The following RGS3 variants were observed in gnomAD, a reference collection of about 807,000 sequenced individuals.
RGS3 encodes the protein regulator of G-protein signalling 3.
A neutral mutation model predicts 132.6 loss-of-function variants in RGS3; 80 were observed. That is an observed-to-expected ratio of 0.60 (90% CI 0.50 to 0.73). The LOEUF (loss-of-function observed/expected upper bound fraction) is 0.73. Among genes scored for constraint, RGS3 ranks in the 30% least tolerant of loss-of-function variants. The probability of loss-of-function intolerance (pLI) is 0.00; values close to 1 mark genes in which losing one functional copy is unlikely to be tolerated. For synonymous variants in RGS3, 598 were observed against 620.6 expected, an observed-to-expected ratio of 0.96 and a Z score of 0.54; for missense variants, 1,382 against 1,530.8, an observed-to-expected ratio of 0.90 and a Z score of 1.62.
At chr9:113,574,548 A>G (rs1834426387) in intron 19 of RGS3, among the ~76,000 whole-genome samples, 1 of 152,192 alleles carries the variant, frequency 6.6e-6, no homozygotes, top group Non-Finnish European at 1.5e-5. Context: ...TCTTGGGGGA[A>G]ATGGTGTGAA....
In RGS3 at chr9:113,507,589, C is replaced by G; in HGVS notation, c.1388C>G (p.Pro463Arg). 1 of 1,515,124 alleles carries G rather than the reference C, an allele frequency of 6.6e-7. No homozygotes were observed. Among genetic ancestry groups the G allele is most frequent in the African/African-American group, 1.4e-5 (1 of 72,796 alleles). 93.9% of individuals were successfully genotyped at this position (1,515,124 alleles called of 1,614,324 possible). Residue 463 changes from proline to arginine, a missense_variant, in exon 13 of 25, where the codon CCC (proline) becomes CGC (arginine). Transcript: ENST00000350696. The surrounding 1 kb of genome is among the most constrained non-coding windows in gnomAD (Gnocchi z 5.0). ...CCTGCACTGTCCCGTGCCACTGCCC[C>G]CACCGACCCCAACTACATCATCCTG...
At chr9:113,512,967 C>T (rs1373440625) in intron 14 of RGS3, among the ~76,000 whole-genome samples, 5 of 152,172 alleles carry the variant, frequency 3.3e-5, no homozygotes, top group Non-Finnish European at 5.9e-5. Flanking sequence ...GAGGCTGAGG[C>T]GGGCGGATCA....
At chr9:113,536,893 T>G (rs1402321923) in exon 19 of RGS3, 1 of 1,614,114 alleles carries the variant, frequency 6.2e-7, no homozygotes, top group Non-Finnish European at 8.5e-7. Context: ...CAGCAACAGC[T>G]GGCAGCATCA....
rs1451641413 is a variant in RGS3 at position 113,522,765 on chromosome 9, G to A, written c.1759-165G>A. On this transcript the variant is annotated intron_variant, in intron 16 of 24. Transcript: ENST00000350696. ...GCCATCTTGACTGCAGGTCAGGACTGCCCTTGGCTGAGGCTGTACTGAGCA... is the reference window on the plus strand; with the variant it reads ...GCCATCTTGACTGCAGGTCAGGACTACCCTTGGCTGAGGCTGTACTGAGCA... 4.6e-6 allele frequency: 3 copies of A among 652,026 alleles called. No homozygotes were observed. In the African/African-American group the frequency reaches 5.4e-5, roughly 12 times the overall value. 40.4% of individuals were successfully genotyped at this position (652,026 alleles called of 1,614,324 possible). A position where few individuals can be genotyped will look rare whatever the true frequency, so the allele number is the denominator to read the frequency against.
At chr9:113,575,776 G>A (rs1350881432) in intron 19 of RGS3, among the ~76,000 whole-genome samples, 1 of 152,238 alleles carries the variant, frequency 6.6e-6, no homozygotes, top group African/African-American at 2.4e-5. Flanking sequence ...CCTAGGGACT[G>A]TGATGCAGTA....
At chr9:113,483,095 G>A (rs367587029) in exon 5 of RGS3, 1 of 1,613,168 alleles carries the variant, frequency 6.2e-7, no homozygotes, top group African/African-American at 1.3e-5. Context: ...AAACAGCCTG[G>A]CACCTGTGAT....
intron 1 of RGS3, among the ~76,000 whole-genome samples, chr9:113,453,756 C>G (rs961029380): frequency 2.9e-5 from 4 of 138,886 alleles, no homozygotes; most frequent in African/African-American, 1.1e-4. Flanking sequence ...ATATAATATA[C>G]TCATTATATG....
intron 19 of RGS3, among the ~76,000 whole-genome samples, chr9:113,573,780 G>A (rs1349362334): frequency 6.6e-6 from 1 of 152,160 alleles, no homozygotes; most frequent in South Asian, 2.1e-4. Context: ...GAGTCCGAGC[G>A]GGGCCCCTGC....
chr9:113,514,760 C>T, intron 15 of RGS3, 106 bp downstream of exon 13: 3 of 1,088,866 alleles, frequency 2.8e-6, no homozygotes, highest in Non-Finnish European at 3.9e-6. Flanking sequence ...ACTGAGGGCC[C>T]TGTTTTGGGA....
chr9:113,495,704 A>G, intron 7 of RGS3, 82 bp from the exon 6 acceptor site: 1 of 1,142,378 alleles, frequency 8.8e-7, no homozygotes, highest in Admixed American at 1.7e-5. Flanking sequence ...TGCATCAGGC[A>G]AACCCATGCT....
At chr9:113,562,617 G>C (rs1273080058) in intron 19 of RGS3, among the ~76,000 whole-genome samples, 1 of 152,170 alleles carries the variant, frequency 6.6e-6, no homozygotes, top group Non-Finnish European at 1.5e-5. Context: ...GAAATATGTG[G>C]ATCAGTGATT....
At chr9:113,461,961 C>T (rs1385692042) in intron 2 of RGS3, 3 of 1,596,598 alleles carry the variant, frequency 1.9e-6, no homozygotes, top group Non-Finnish European at 2.6e-6. Context: ...GGAGTGAACA[C>T]ACCTTGCATG....
chr9:113,468,757 G>A (rs945300243), intron 3 of RGS3, among the ~76,000 whole-genome samples: 2 of 152,180 alleles, frequency 1.3e-5, no homozygotes, highest in African/African-American at 4.8e-5. Flanking sequence ...TGAGTGGTCA[G>A]GAGAGAGAAC....
intron 21 of RGS3, chr9:113,594,035 A>G (rs982088302): frequency 2.0e-5 from 32 of 1,612,846 alleles, no homozygotes; most frequent in Non-Finnish European, 2.6e-5. Flanking sequence ...AGGGTTGGCC[A>G]GAAGGAATTT....
At chr9:113,462,149 T>G in exon 3 of RGS3, 1 of 1,614,136 alleles carries the variant, frequency 6.2e-7, no homozygotes, top group Non-Finnish European at 8.5e-7. Flanking sequence ...ATGAGTGGAC[T>G]CAAACTTCTC....
At chr9:113,447,942 C>G (rs752325560) in intron 1 of RGS3, among the ~76,000 whole-genome samples, 1 of 151,452 alleles carries the variant, frequency 6.6e-6, no homozygotes, top group African/African-American at 2.4e-5. Context: ...ACTGCAGCCT[C>G]GACCTCCTGG....
In RGS3 at chr9:113,591,339, G is replaced by C; in HGVS notation, c.3022G>C (p.Gly1008Arg). The C allele has an allele frequency of 1.2e-6, 2 of 1,613,558 alleles. No individual in the cohort carries two copies. ...GTCTGTCTTCTCTCCGCAGATGAGC[G>C]GGGCTGACACCGTTGGGGATGATGA... The change falls in exon 21 of 25, where the codon GGG (glycine) becomes CGG (arginine). Residue 1008 changes from glycine to arginine, a missense_variant. Transcript: ENST00000350696. This position sits in a 1 kb window ranked among gnomAD's most constrained non-coding sequence, Gnocchi z 4.4.
In RGS3 at chr9:113,565,291, C is replaced by G. The variant is rs935580413; in HGVS notation, c.2038-18159C>G. 2 of 1,289,606 alleles carry G rather than the reference C, an allele frequency of 1.6e-6. No homozygotes were observed. Among genetic ancestry groups the G allele is most frequent in the Admixed American group, 4.6e-5 (2 of 43,550 alleles). 79.9% of individuals were successfully genotyped at this position (1,289,606 alleles called of 1,614,324 possible). On this transcript the variant is annotated intron_variant, in intron 19 of 24. Coordinates refer to ENST00000350696, the Ensembl canonical transcript of RGS3. This position sits in a 1 kb window ranked among gnomAD's most constrained non-coding sequence, Gnocchi z 5.7. ...CGGATGAAAGTGCTTTGAGAAACCA[C>G]AGAGTTTTCTGTTTAATGGAAGAAA...
At chr9:113,457,150 C>G (rs999157827), upstream of RGS3, among the ~76,000 whole-genome samples, 1 of 152,198 alleles carries the variant, frequency 6.6e-6, no homozygotes, top group Non-Finnish European at 1.5e-5. Flanking sequence ...CTGATTCCCT[C>G]ACGTTCTAAG....
Sources: gnomAD v4.1 joint callset for allele counts (sites outside exome capture counted in the v4.1 genomes callset) on GRCh38, gnomAD v4.1.1 for gene constraint, Gnocchi (gnomAD v3.1) non-coding constraint, MANE v1.5 for transcripts, NCBI Gene and HGNC (gene_info 2026-07-23, HGNC 2026-07-21) for gene names.